The following MYEF2 variants were observed in gnomAD, a reference collection of about 807,000 sequenced individuals.
The protein encoded by MYEF2 is myelin gene expression factor 2.
A neutral mutation model predicts 75.2 loss-of-function variants in MYEF2; 37 were observed. The observed-to-expected ratio is 0.49, with a 90% confidence interval of 0.38 to 0.65. The LOEUF is 0.65. Among genes scored for constraint, MYEF2 ranks in the 30% least tolerant of loss-of-function variants. MYEF2 has a pLI of 0.00. For missense variants in MYEF2, 634 were observed against 771.4 expected, an observed-to-expected ratio of 0.82 and a Z score of 2.11; for synonymous variants, 195 against 241.6, an observed-to-expected ratio of 0.81 and a Z score of 1.79.
At chr15:48,151,444 GA>G (rs1419669702) in intron 13 of MYEF2, 28 bp downstream of exon 13, 1 of 1,583,218 alleles carries the variant, frequency 6.3e-7, no homozygotes, top group Non-Finnish European at 8.7e-7. Flanking sequence ...CCTACAAAAA[GA>G]AAAGGAGAAG....
rs1294013129 is a variant in MYEF2 at position 48,139,009 on chromosome 15, A to G, written c.*3899T>C. 1 of 1,613,034 alleles carries G rather than the reference A, an allele frequency of 6.2e-7. No homozygotes were observed. Among genetic ancestry groups the G allele is most frequent in the Admixed American group, 1.7e-5 (1 of 59,988 alleles). The stretch of plus-strand genomic sequence containing the variant: ...TCAACATGCCTGAAGCAGACTTAAA[A>G]AGAATTTTTTGGGTATTATCCCTTC... On this transcript the variant is annotated 3_prime_UTR_variant, in exon 17 of 17. Transcript: ENST00000324324.
chr15:48,138,673 C>A lies in MYEF2; in HGVS notation c.*4235G>T, dbSNP rs534325398. The A allele has an allele frequency of 2.3e-4, 60 of 260,560 alleles. No individual in the cohort carries two copies. Among genetic ancestry groups the A allele is most frequent in the Middle Eastern group, 1.3e-3 (1 of 754 alleles). 16.1% of individuals were successfully genotyped at this position (260,560 alleles called of 1,614,324 possible). A position where few individuals can be genotyped will look rare whatever the true frequency, so the allele number is the denominator to read the frequency against. ...CTGAAGACAATCCACAGGAGATGTC[C>A]AATTGACACTTCATAAACACTATCT... On this transcript the variant is annotated 3_prime_UTR_variant, in exon 17 of 17. Coordinates refer to ENST00000324324, the MANE Select transcript of MYEF2 (RefSeq NM_016132.5).
At chr15:48,170,635 G>A (rs1441487120) in intron 1 of MYEF2, among the ~76,000 whole-genome samples, 1 of 152,010 alleles carries the variant, frequency 6.6e-6, no homozygotes, top group Non-Finnish European at 1.5e-5. Context: ...TCTAAGCCCA[G>A]CAATTCTGGT....
At chr15:48,157,838 T>G (rs1235390795) in intron 9 of MYEF2, 155 bp downstream of exon 9, 2 of 1,392,572 alleles carry the variant, frequency 1.4e-6, no homozygotes, top group Non-Finnish European at 1.9e-6. Context: ...CTTCTCAGTC[T>G]TCCTAATCAA....
In MYEF2 at chr15:48,137,327, A is replaced by T. The variant is rs2038926149; in HGVS notation, c.*5581T>A. The T allele has an allele frequency of 5.5e-6, 1 of 180,186 alleles. No individual in the cohort carries two copies. The highest frequency in any genetic ancestry group is 5.9e-5 in the Admixed American group (1 of 16,928). The allele number at this position is 180,186 out of a possible 1,614,324, so 11.2% of individuals were successfully genotyped here. A position where few individuals can be genotyped will look rare whatever the true frequency, so the allele number is the denominator to read the frequency against. ...CTAATGACATATGTTATGACCAATA[A>T]GTAGCAGCTACTGAGGTCTTCATTC... On this transcript the variant is annotated 3_prime_UTR_variant, in exon 17 of 17. Transcript: ENST00000324324.
At chr15:48,143,321 T>C (rs2039154120) in intron 16 of MYEF2, among the ~76,000 whole-genome samples, 1 of 152,138 alleles carries the variant, frequency 6.6e-6, no homozygotes, top group Non-Finnish European at 1.5e-5. Flanking sequence ...ATTTTATTTA[T>C]GTTAAATCCC....
At position 48,152,180 on chromosome 15, in the gene MYEF2, A is replaced by C. The variant is rs376594452; in HGVS notation, c.1138+54T>G. The C allele has an allele frequency of 7.2e-5, 105 of 1,461,936 alleles. 1 individual carries two copies. The African/African-American group carries it at 1.4e-3, about 19-fold the overall frequency. 90.6% of individuals were successfully genotyped at this position (1,461,936 alleles called of 1,614,324 possible). A position where few individuals can be genotyped will look rare whatever the true frequency, so the allele number is the denominator to read the frequency against. On this transcript the variant is annotated intron_variant, in intron 11 of 16. Transcript: ENST00000324324. ...TCATGGAATTCTCAACACAGTTTCT[A>C]GTTTATTAAAAATGGTGATGGGTAC...
At position 48,159,662 on chromosome 15, in the gene MYEF2, A is replaced by G; in HGVS notation, c.668T>C (p.Ile223Thr). The G allele has an allele frequency of 1.2e-6, 2 of 1,613,506 alleles. No individual in the cohort carries two copies. Among genetic ancestry groups the G allele is most frequent in the Non-Finnish European group, 1.7e-6 (2 of 1,179,688 alleles). Residue 223 changes from isoleucine to threonine, a missense_variant, in exon 6 of 17, where the codon ATC (isoleucine) becomes ACC (threonine). Transcript: ENST00000324324. ...LNNPNIPPEVISNLQAGRLGS... is the reference protein window; with the variant it reads ...LNNPNIPPEVTSNLQAGRLGS... ...AAGTCTACCGGCCTGCAAATTACTG[A>G]TGACTTCAGGAGGAATGTTTGGATT...
At chr15:48,148,521 T>C (rs1393015346) in intron 16 of MYEF2, among the ~76,000 whole-genome samples, 2 of 152,042 alleles carry the variant, frequency 1.3e-5, no homozygotes, top group African/African-American at 4.8e-5. Context: ...GTGGGTTGTA[T>C]GCTACCAGCT....
chr15:48,142,242 G>C lies in MYEF2; in HGVS notation c.*666C>G. On this transcript the variant is annotated 3_prime_UTR_variant, in exon 17 of 17. Transcript: ENST00000324324. ...CACTTCAATGGCTGGAAACTAGACAGAAAGTTGGGAATAGTCTGCCTATTA... is the reference window on the plus strand; with the variant it reads ...CACTTCAATGGCTGGAAACTAGACACAAAGTTGGGAATAGTCTGCCTATTA... 1 of 1,613,664 alleles carries C rather than the reference G, an allele frequency of 6.2e-7. No individual in the cohort carries two copies. Among genetic ancestry groups the C allele is most frequent in the Middle Eastern group, 1.7e-4 (1 of 6,056 alleles).
At chr15:48,167,897 CCAAT>C (rs2040185528) in intron 2 of MYEF2, among the ~76,000 whole-genome samples, 1 of 151,776 alleles carries the variant, frequency 6.6e-6, no homozygotes, top group African/African-American at 2.4e-5. Context: ...ATGAATAAAA[CCAAT>C]CAAATAGTTG....
At chr15:48,151,828 G>A (rs1395663090) in intron 12 of MYEF2, 46 bp downstream of exon 12, 1 of 1,587,780 alleles carries the variant, frequency 6.3e-7, no homozygotes, top group Admixed American at 1.7e-5. Context: ...TTAATAATAG[G>A]GAAAACTAAA....
Position 48,137,514 on chromosome 15 carries a change from T to C in MYEF2, c.*5394A>G, listed in dbSNP as rs1243836996. 1.3e-5 allele frequency: 2 copies of C among 152,190 alleles called. No individual in the cohort carries two copies. Among genetic ancestry groups the C allele is most frequent in the Admixed American group, 6.6e-5 (1 of 15,266 alleles). The allele number at this position is 152,190 out of a possible 1,614,324, so 9.4% of individuals were successfully genotyped here. A position where few individuals can be genotyped will look rare whatever the true frequency, so the allele number is the denominator to read the frequency against. ...ATTATTAGAACTGTTATCTTAGTAATGTTACCCAAAATGATGTTCACCGAA... is the reference window on the plus strand; with the variant it reads ...ATTATTAGAACTGTTATCTTAGTAACGTTACCCAAAATGATGTTCACCGAA... On this transcript the variant is annotated 3_prime_UTR_variant, in exon 17 of 17. Transcript: ENST00000324324.
rs1268034242 is a variant in MYEF2 at position 48,165,922 on chromosome 15, A to G, written c.525+11T>C. 2 of 1,473,000 alleles carry G rather than the reference A, an allele frequency of 1.4e-6. No individual in the cohort carries two copies. Among genetic ancestry groups the G allele is most frequent in the Non-Finnish European group, 1.9e-6 (2 of 1,080,826 alleles). 91.2% of individuals were successfully genotyped at this position (1,473,000 alleles called of 1,614,324 possible). On this transcript the variant is annotated intron_variant, in intron 5 of 16. Transcript: ENST00000324324. ...GTCAAATGTTTAAATTCTAAATATGAGAAATCTTACCTCTTTAATATTAAG... is the reference window on the plus strand; with the variant it reads ...GTCAAATGTTTAAATTCTAAATATGGGAAATCTTACCTCTTTAATATTAAG...
intron 1 of MYEF2, among the ~76,000 whole-genome samples, chr15:48,173,628 A>G (rs2040416003): frequency 6.6e-6 from 1 of 152,152 alleles, no homozygotes; most frequent in African/African-American, 2.4e-5. Context: ...CACCAAAAAA[A>G]CTATTAGAAC....
At position 48,136,642 on chromosome 15, in the gene MYEF2, C is replaced by T. The variant is rs760627281; in HGVS notation, c.*6266G>A. The T allele has an allele frequency of 1.9e-6, 3 of 1,541,116 alleles. No individual in the cohort carries two copies. The highest frequency in any genetic ancestry group is 4.5e-5 in the East Asian group (2 of 44,276). On this transcript the variant is annotated 3_prime_UTR_variant, in exon 17 of 17. Coordinates refer to ENST00000324324, the MANE Select transcript of MYEF2 (RefSeq NM_016132.5). ...CCAAAAGCTATCAACTCTAAAATGACTTTCACTTTTAATTTAAAAACACAA... is the reference window on the plus strand; with the variant it reads ...CCAAAAGCTATCAACTCTAAAATGATTTTCACTTTTAATTTAAAAACACAA...
In MYEF2 at chr15:48,151,459, G is replaced by T; in HGVS notation, c.1306+14C>A. 2 of 1,602,144 alleles carry T rather than the reference G, an allele frequency of 1.2e-6. No individual in the cohort carries two copies. Among genetic ancestry groups the T allele is most frequent in the African/African-American group, 1.3e-5 (1 of 74,702 alleles). The stretch of plus-strand genomic sequence containing the variant: ...CCTACAAAAAGAAAAGGAGAAGTAT[G>T]CAGCCAGCCCTACCAAGTCTACCAA... On this transcript the variant is annotated intron_variant, in intron 13 of 16. Transcript: ENST00000324324.
intron 5 of MYEF2, among the ~76,000 whole-genome samples, chr15:48,165,708 CTTTTAT>C (rs573345175): frequency 4.5e-4 from 69 of 151,882 alleles, no homozygotes; most frequent in African/African-American, 1.6e-3. Context: ...AAATTATGTG[CTTTTAT>C]TTTTAACAAC....
At position 48,141,056 on chromosome 15, in the gene MYEF2, C is replaced by T; in HGVS notation, c.*1852G>A. On this transcript the variant is annotated 3_prime_UTR_variant, in exon 17 of 17. Transcript: ENST00000324324. The stretch of plus-strand genomic sequence containing the variant: ...ACGAAGGAAATATCCAAAATAACTG[C>T]AAAGGATGGTTAGTGAATCTTTAAG... The T allele has an allele frequency of 1.4e-6, 2 of 1,384,590 alleles. No individual in the cohort carries two copies. Among genetic ancestry groups the T allele is most frequent in the Non-Finnish European group, 2.0e-6 (2 of 982,748 alleles). The allele number at this position is 1,384,590 out of a possible 1,614,324, so 85.8% of individuals were successfully genotyped here. A position where few individuals can be genotyped will look rare whatever the true frequency, so the allele number is the denominator to read the frequency against.
Sources: gnomAD v4.1 joint callset for allele counts (sites outside exome capture counted in the v4.1 genomes callset) on GRCh38, gnomAD v4.1.1 for gene constraint, MANE v1.5 for transcripts, NCBI Gene and HGNC (gene_info 2026-07-23, HGNC 2026-07-21) for gene names.